Variants in ACER3 observed in about 807,000 individuals in gnomAD.
The protein encoded by ACER3 is alkaline ceramidase 3, also known as alkCDase 3.
In ACER3, 16 loss-of-function variants were observed where a neutral mutation model predicts 48.9. The observed-to-expected ratio is 0.33, with a 90% CI of 0.22 to 0.50. ACER3 has a LOEUF of 0.50. ACER3 is among the 20% of genes least tolerant of loss of function. ACER3 has a pLI of 0.98. For missense variants in ACER3, 227 were observed against 326.0 expected (o/e 0.70, Z 2.34); for synonymous variants, 109 against 107.8 (o/e 1.01, Z -0.07).
In ACER3 at chr11:77,020,275, TTC is replaced by T; in HGVS notation, c.756_757del (p.Phe253TrpfsTer9). The T allele has an allele frequency of 6.2e-7, 1 of 1,613,718 alleles. No homozygotes were observed. ...TTGTCCTAATTTGTCCCCAAACAGT[TTC>T]TCTTTGGAATCTGGCCAGTGATCCT... On this transcript the variant is annotated frameshift_variant and splice_region_variant, in exon 11 of 11. Transcript: ENST00000532485. LOFTEE classifies it high-confidence loss of function.
At chr11:77,005,993 T>TATATA (rs1565224912) in intron 7 of ACER3, among the ~76,000 whole-genome samples, 6 of 87,934 alleles carry the variant, frequency 6.8e-5, no homozygotes, top group African/African-American at 3.2e-4. Flanking sequence ...ATATATATAT[T>TATATA]TTTTTTTTTT....
intron 2 of ACER3, among the ~76,000 whole-genome samples, chr11:76,932,355 C>G (rs1417026553): frequency 3.3e-5 from 5 of 152,150 alleles, no homozygotes; most frequent in African/African-American, 4.8e-5. Flanking sequence ...AAACTGTAAG[C>G]TATAGTGAAT....
intron 2 of ACER3, among the ~76,000 whole-genome samples, chr11:76,956,548 A>G (rs1565198536): frequency 6.6e-6 from 1 of 152,102 alleles, no homozygotes; most frequent in Non-Finnish European, 1.5e-5. Flanking sequence ...AAAAGCAGGG[A>G]AAAAAATCAG....
At chr11:76,877,614 T>A (rs9666315) in intron 1 of ACER3, among the ~76,000 whole-genome samples, 1 of 151,744 alleles carries the variant, frequency 6.6e-6, no homozygotes, top group South Asian at 2.1e-4. Flanking sequence ...ATTAATCTTG[T>A]CAATCAGATG....
At chr11:76,900,225 G>A (rs2134663679) in intron 1 of ACER3, among the ~76,000 whole-genome samples, 2 of 152,214 alleles carry the variant, frequency 1.3e-5, no homozygotes, top group East Asian at 3.9e-4. Context: ...GGATTGTCAT[G>A]AACGTCTTCA....
chr11:76,868,899 A>G (rs888452486), intron 1 of ACER3, among the ~76,000 whole-genome samples: 4 of 152,376 alleles, frequency 2.6e-5, no homozygotes, highest in Admixed American at 6.5e-5. Flanking sequence ...ACTCATCCAC[A>G]TAGTAGGATG....
At chr11:76,939,127 G>A (rs149021302) in intron 2 of ACER3, among the ~76,000 whole-genome samples, 21 of 152,104 alleles carry the variant, frequency 1.4e-4, no homozygotes, top group African/African-American at 5.1e-4. Context: ...AACACAAATG[G>A]GGTGAGAAGA....
At chr11:76,943,913 C>CTT (rs56017014) in intron 2 of ACER3, among the ~76,000 whole-genome samples, 8 of 147,298 alleles carry the variant, frequency 5.4e-5, no homozygotes, top group East Asian at 3.9e-4. Flanking sequence ...GACCTTTGTC[C>CTT]TTTTTTTTTT....
At chr11:76,965,875 C>G (rs1481955798) in intron 3 of ACER3, among the ~76,000 whole-genome samples, 2 of 151,218 alleles carry the variant, frequency 1.3e-5, no homozygotes, top group African/African-American at 4.9e-5. Flanking sequence ...TAAAGACCAT[C>G]AAGGCTAGGA....
intron 1 of ACER3, among the ~76,000 whole-genome samples, chr11:76,875,104 C>CTTTTT (rs1403847569): frequency 7.2e-3 from 357 of 49,714 alleles, no homozygotes; most frequent in Non-Finnish European, 0.013. Flanking sequence ...ATGAAAAGCA[C>CTTTTT]TTCTTTTTTT....
chr11:76,889,700 A>G (rs1945759197), intron 1 of ACER3, among the ~76,000 whole-genome samples: 1 of 152,152 alleles, frequency 6.6e-6, no homozygotes, highest in South Asian at 2.1e-4. Context: ...ATGTATTTGC[A>G]TACATTATTG....
chr11:76,862,224 G>A (rs1318805602), intron 1 of ACER3, among the ~76,000 whole-genome samples: 11 of 151,406 alleles, frequency 7.3e-5, no homozygotes, highest in African/African-American at 2.2e-4. Flanking sequence ...TTGTAGGAAA[G>A]AGGCAAGCAT....
At chr11:76,950,489 TCTCA>T (rs1947633518) in intron 2 of ACER3, among the ~76,000 whole-genome samples, 1 of 148,378 alleles carries the variant, frequency 6.7e-6, no homozygotes, top group Non-Finnish European at 1.5e-5. Flanking sequence ...TGAGGCAGGA[TCTCA>T]CTCTGTCACT....
intron 6 of ACER3, among the ~76,000 whole-genome samples, chr11:76,992,123 G>A (rs1444364256): frequency 7.3e-6 from 1 of 136,442 alleles, no homozygotes; most frequent in Non-Finnish European, 1.5e-5. Flanking sequence ...GAGGCAGGAG[G>A]ATCCCTTGAG....
chr11:76,985,565 G>C (rs943442294), intron 4 of ACER3, 78 bp from the exon 5 acceptor site: 6 of 864,518 alleles, frequency 6.9e-6, no homozygotes, highest in Admixed American at 3.3e-5. Context: ...AGAGATATAG[G>C]CAAGTGGTAA....
At chr11:76,984,711 T>C (rs1948652482) in intron 4 of ACER3, among the ~76,000 whole-genome samples, 1 of 152,218 alleles carries the variant, frequency 6.6e-6, no homozygotes, top group East Asian at 1.9e-4. Flanking sequence ...AGGAGATAGA[T>C]AAGGGAAGAG....
At chr11:76,866,399 A>C (rs1482726468) in intron 1 of ACER3, among the ~76,000 whole-genome samples, 1 of 152,226 alleles carries the variant, frequency 6.6e-6, no homozygotes, top group East Asian at 1.9e-4. Context: ...AACTGGTACC[A>C]GGTTCACTGT....
intron 1 of ACER3, among the ~76,000 whole-genome samples, chr11:76,898,344 T>G (rs941259928): frequency 6.6e-6 from 1 of 152,198 alleles, no homozygotes; most frequent in Non-Finnish European, 1.5e-5. Flanking sequence ...ATTTCACTTT[T>G]TGGAGTCTGC....
At chr11:76,909,999 T>C (rs1165797259) in intron 1 of ACER3, among the ~76,000 whole-genome samples, 3 of 151,948 alleles carry the variant, frequency 2.0e-5, no homozygotes, top group Non-Finnish European at 4.4e-5. Context: ...AAAGAATCAT[T>C]CTCAGCAAAC....
Sources: allele counts gnomAD v4.1 joint callset (sites outside exome capture counted in the v4.1 genomes callset), GRCh38; gene constraint gnomAD v4.1.1; transcripts MANE v1.5; gene names NCBI Gene and HGNC (gene_info 2026-07-23, HGNC 2026-07-21).